The following NOCT variants were observed in gnomAD, a reference collection of about 807,000 sequenced individuals.
NOCT encodes CCR4 carbon catabolite repression 4-like.
In NOCT, 18 loss-of-function variants were observed where a neutral mutation model predicts 35.0. The ratio of observed to expected loss-of-function variants is 0.51; its 90% CI spans 0.36 to 0.76. NOCT has a LOEUF of 0.76. Among genes scored for constraint, NOCT ranks in the 30% least tolerant of loss-of-function variants. The pLI is 0.01. For synonymous variants in NOCT, 235 were observed against 226.3 expected (o/e 1.04, Z -0.34); for missense variants, 479 against 541.0 (o/e 0.89, Z 1.14).
intron 1 of NOCT, 73 bp from the exon 2 acceptor site, chr4:139,043,001 T>C (rs1387460645): frequency 7.3e-7 from 1 of 1,377,142 alleles, no homozygotes; most frequent in Non-Finnish European, 9.9e-7. Context: ...AGTAAATGTT[T>C]ATCTTACAGT....
chr4:139,025,538 C>T (rs991333019), intron 1 of NOCT, among the ~76,000 whole-genome samples: 1 of 152,144 alleles, frequency 6.6e-6, no homozygotes, highest in African/African-American at 2.4e-5. Context: ...AGGCCAGGCG[C>T]GGTGGCTCAC....
chr4:139,037,145 TG>T (rs1726750280), intron 1 of NOCT, among the ~76,000 whole-genome samples: 1 of 152,196 alleles, frequency 6.6e-6, no homozygotes, highest in African/African-American at 2.4e-5. Context: ...GGAATATCTT[TG>T]GGTTTCCTGT....
At chr4:139,026,620 G>A (rs930027126) in intron 1 of NOCT, among the ~76,000 whole-genome samples, 9 of 148,136 alleles carry the variant, frequency 6.1e-5, no homozygotes, top group African/African-American at 1.3e-4. Context: ...GCACGATCTC[G>A]GCTCACTGCA....
chr4:139,019,410 C>T (rs982353526), intron 1 of NOCT, among the ~76,000 whole-genome samples: 16 of 152,164 alleles, frequency 1.1e-4, no homozygotes, highest in Non-Finnish European at 4.4e-5. Context: ...CCTATTAAGT[C>T]TGAGTCATTC....
intron 1 of NOCT, among the ~76,000 whole-genome samples, chr4:139,035,719 A>G (rs914586496): frequency 7.2e-5 from 11 of 152,076 alleles, no homozygotes; most frequent in African/African-American, 2.7e-4. Flanking sequence ...GCTGCTTCCC[A>G]TCTCTGATAA....
At chr4:139,024,384 C>T (rs1464453860) in intron 1 of NOCT, among the ~76,000 whole-genome samples, 2 of 152,140 alleles carry the variant, frequency 1.3e-5, no homozygotes, top group African/African-American at 2.4e-5. Context: ...TATCTCTTCT[C>T]TGTTGCATGA....
In NOCT at chr4:139,045,553, G is replaced by A; in HGVS notation, c.*79G>A. On this transcript the variant is annotated 3_prime_UTR_variant, in exon 3 of 3. Coordinates refer to ENST00000280614, the MANE Select transcript of NOCT (RefSeq NM_012118.4). ...TTTTTTTGAGACAGAGTCTCGCTCTGTTGCCTAGGCTGGAGTACAGTGGCC... is the reference window on the plus strand; with the variant it reads ...TTTTTTTGAGACAGAGTCTCGCTCTATTGCCTAGGCTGGAGTACAGTGGCC... 1.3e-6 allele frequency: 1 copy of A among 765,038 alleles called. No homozygotes were observed. Among genetic ancestry groups the A allele is most frequent in the Non-Finnish European group, 1.9e-6 (1 of 520,684 alleles). The allele number at this position is 765,038 out of a possible 1,614,324, so 47.4% of individuals were successfully genotyped here.
In NOCT at chr4:139,043,311, T is replaced by A; in HGVS notation, c.428T>A (p.Ile143Asn). The A allele has an allele frequency of 6.2e-7, 1 of 1,614,106 alleles. No homozygotes were observed. Among genetic ancestry groups the A allele is most frequent in the Non-Finnish European group, 8.5e-7 (1 of 1,180,008 alleles). Reference sequence around the variant, plus strand: ...GATTGCCCTAGTACCCACCCACCTATCAGGGTTATGCAATGGAACATCCTC... The same window carrying A: ...GATTGCCCTAGTACCCACCCACCTAACAGGGTTATGCAATGGAACATCCTC... ...RTDCPSTHPPIRVMQWNILAQ... is the reference protein window; with the variant it reads ...RTDCPSTHPPNRVMQWNILAQ... The change falls in exon 2 of 3, where the codon ATC (isoleucine) becomes AAC (asparagine). Residue 143 changes from isoleucine to asparagine, a missense_variant. Ile to Asn is a moderately radical substitution (Grantham distance 149). This residue lies in a region of NOCT where 265 missense variants were observed against 257.0 expected (regional missense o/e 1.03). Transcript: ENST00000280614.
chr4:139,037,380 G>T (rs1048860340), intron 1 of NOCT, among the ~76,000 whole-genome samples: 1 of 152,166 alleles, frequency 6.6e-6, no homozygotes, highest in Non-Finnish European at 1.5e-5. Context: ...ATTATTCATT[G>T]TTTTTCAAAT....
At chr4:139,043,483 C>T in intron 2 of NOCT, 140 bp downstream of exon 2, 3 of 768,446 alleles carry the variant, frequency 3.9e-6, no homozygotes, top group South Asian at 3.7e-5. Context: ...TGGAGAGCTC[C>T]TAGAAGAGGT....
In NOCT at chr4:139,016,177, T is replaced by G; in HGVS notation, c.190+6T>G. ...GAGGTCGTGTTCCCGAACAGGTGAG[T>G]GCACCCCAGTTCCGGGCGGAGAACG... On this transcript the variant is annotated splice_donor_region_variant and intron_variant, in intron 1 of 2. Transcript: ENST00000280614. 8.0e-7 allele frequency: 1 copy of G among 1,243,158 alleles called. No homozygotes were observed. Among genetic ancestry groups the G allele is most frequent in the Non-Finnish European group, 1.0e-6 (1 of 993,728 alleles). The allele number at this position is 1,243,158 out of a possible 1,614,324, so 77.0% of individuals were successfully genotyped here.
Position 139,045,117 on chromosome 4 carries a change from A to G in NOCT, c.939A>G (p.Gln313=), listed in dbSNP as rs371368774. The G allele has an allele frequency of 2.8e-5, 45 of 1,614,118 alleles. No homozygotes were observed. In the African/African-American group the frequency reaches 5.3e-4, roughly 19 times the overall value. Residue 313 remains glutamine, a synonymous_variant, in exon 3 of 3, where the codon CAA becomes CAG. Transcript: ENST00000280614. ...DLLQNLQNIT[Q]GAKIPLIVCG... is the part of the protein sequence containing the mutation. Reference sequence around the variant, plus strand: ...TTCAGAACCTGCAAAACATCACCCAAGGAGCCAAGATTCCCCTTATTGTGT... The same window carrying G: ...TTCAGAACCTGCAAAACATCACCCAGGGAGCCAAGATTCCCCTTATTGTGT...
intron 2 of NOCT, 33 bp from the exon 3 acceptor site, chr4:139,044,606 A>G: frequency 7.0e-7 from 1 of 1,432,366 alleles, no homozygotes; most frequent in South Asian, 1.2e-5. Context: ...CGGTTTTGTA[A>G]GAGCTGACAA....
intron 1 of NOCT, among the ~76,000 whole-genome samples, chr4:139,040,343 T>C (rs1188219894): frequency 6.6e-6 from 1 of 152,160 alleles, no homozygotes; most frequent in African/African-American, 2.4e-5. Flanking sequence ...CCCAGCCTTG[T>C]ATCATTTTCT....
At chr4:139,044,593 T>A in intron 2 of NOCT, 46 bp from the exon 3 acceptor site, 1 of 1,284,876 alleles carries the variant, frequency 7.8e-7, no homozygotes, top group Non-Finnish European at 1.1e-6. Context: ...TACTTTGAAG[T>A]CACGGTTTTG....
At chr4:139,024,066 T>TTTTC (rs1726471245) in intron 1 of NOCT, among the ~76,000 whole-genome samples, 1 of 132,340 alleles carries the variant, frequency 7.6e-6, no homozygotes, top group Admixed American at 7.5e-5. Flanking sequence ...TTTTTTTTTT[T>TTTTC]AAATTATTTT....
chr4:139,035,564 C>T (rs544114696), intron 1 of NOCT, among the ~76,000 whole-genome samples: 129 of 152,318 alleles, frequency 8.5e-4, no homozygotes, highest in Non-Finnish European at 1.4e-3. Context: ...CCCCTGCTGT[C>T]TCTTGCCTAG....
intron 1 of NOCT, among the ~76,000 whole-genome samples, chr4:139,039,044 C>T (rs1399651607): frequency 6.6e-6 from 1 of 151,494 alleles, no homozygotes; most frequent in Non-Finnish European, 1.5e-5. Flanking sequence ...ATGTAAAAGC[C>T]ATTCTTAGCT....
chr4:139,036,275 TAG>T (rs1726737473), intron 1 of NOCT, among the ~76,000 whole-genome samples: 1 of 152,148 alleles, frequency 6.6e-6, no homozygotes, highest in African/African-American at 2.4e-5. Flanking sequence ...TTTTTTTCTC[TAG>T]AGAGACAGAG....
Sources: gnomAD v4.1 joint callset for allele counts (sites outside exome capture counted in the v4.1 genomes callset) on GRCh38, gnomAD v4.1.1 for gene constraint, gnomAD v4.1.1 regional missense constraint, MANE v1.5 for transcripts, NCBI Gene and HGNC (gene_info 2026-07-23, HGNC 2026-07-21) for gene names.